Variants in NEK6 observed in about 807,000 individuals in gnomAD.
NEK6 encodes NIMA related kinase 6.
A neutral mutation model predicts 43.5 loss-of-function variants in NEK6; 27 were observed. The ratio of observed to expected loss-of-function variants is 0.62; its 90% CI spans 0.46 to 0.86. The LOEUF (loss-of-function observed/expected upper bound fraction) is 0.86, where lower values mean the gene tolerates loss of function less well. Ranked by LOEUF, NEK6 falls within the 40% of genes least tolerant of loss-of-function variation. The pLI is 0.00. For missense variants in NEK6, 318 were observed against 414.4 expected, an observed-to-expected ratio of 0.77 and a Z score of 2.02; for synonymous variants, 167 against 164.1, an observed-to-expected ratio of 1.02 and a Z score of -0.14.
intron 7 of NEK6, among the ~76,000 whole-genome samples, chr9:124,328,177 A>C (rs1360946512): frequency 6.6e-6 from 1 of 152,174 alleles, no homozygotes; most frequent in Non-Finnish European, 1.5e-5. Context: ...TTCAGTATCC[A>C]CACACTGGGT....
intron 1 of NEK6, chr9:124,291,951 G>T (rs1373534608): frequency 8.1e-6 from 8 of 986,096 alleles, no homozygotes; most frequent in African/African-American, 1.7e-5. Flanking sequence ...CCCATGCGGA[G>T]ACAGAGGCCC....
intron 1 of NEK6, among the ~76,000 whole-genome samples, chr9:124,277,133 G>T (rs951189607): frequency 3.3e-5 from 5 of 152,168 alleles, no homozygotes; most frequent in Admixed American, 3.3e-4. Flanking sequence ...ACCTGAGGCC[G>T]CACTTCCACC....
rs1278065905 is a variant in NEK6, at chr9:124,281,480, G to GTTTTTTC, written c.-29-20449_-29-20443dup. ...GGCATAGCTACTTTCCATGTCAGCT[G>GTTTTTTC]TTTTTTCTTTTTTTTTTTTTTTTTT... On this transcript the variant is annotated intron_variant, in intron 1 of 9. Transcript: ENST00000320246. Among the ~76,000 whole-genome samples the GTTTTTTC allele has an allele frequency of 8.1e-4, 93 of 114,888 alleles. 16 individuals are homozygous for GTTTTTTC. Among genetic ancestry groups the GTTTTTTC allele is most frequent in the Non-Finnish European group, 8.4e-4 (47 of 55,684 alleles). 75.4% of individuals were successfully genotyped at this position (114,888 alleles called of 152,430 possible).
chr9:124,304,564 A>G lies in NEK6; in HGVS notation c.90+2510A>G, dbSNP rs548982410. Reference sequence around the variant, plus strand: ...GTAAACATCCAACACAGCACCTCACATCGTGGGTACTGAGGAAATGGTATG... The same window carrying G: ...GTAAACATCCAACACAGCACCTCACGTCGTGGGTACTGAGGAAATGGTATG... On this transcript the variant is annotated intron_variant, in intron 2 of 9. Transcript: ENST00000320246. Among the ~76,000 whole-genome samples the G allele has an allele frequency of 6.0e-4, 91 of 152,352 alleles. 1 individual carries two copies. The South Asian group carries it at 0.018, about 29-fold the overall frequency.
chr9:124,271,941 G>A (rs1831454891), intron 1 of NEK6, among the ~76,000 whole-genome samples: 1 of 152,260 alleles, frequency 6.6e-6, no homozygotes, highest in Non-Finnish European at 1.5e-5. Context: ...AGGCACACCT[G>A]GCCGTGAGCC....
At position 124,292,093 on chromosome 9, in the gene NEK6, C is replaced by T. The variant is rs192353350; in HGVS notation, c.-29-9843C>T. 3.6e-3 allele frequency: 3,805 copies of T among 1,057,072 alleles called. 8 individuals are homozygous for T. Among genetic ancestry groups the T allele is most frequent in the Non-Finnish European group, 4.0e-3 (3,467 of 873,614 alleles). The allele number at this position is 1,057,072 out of a possible 1,614,324, so 65.5% of individuals were successfully genotyped here. ...TCTCAGGAGCCACTTCAAAAGGTACCCTGACTTTCTCTGCCTCCTGCTGTG... is the reference window on the plus strand; with the variant it reads ...TCTCAGGAGCCACTTCAAAAGGTACTCTGACTTTCTCTGCCTCCTGCTGTG... On this transcript the variant is annotated intron_variant, in intron 1 of 9. Coordinates refer to ENST00000320246, the MANE Select transcript of NEK6 (RefSeq NM_014397.6).
chr9:124,350,488 GTGAC>G (rs1471097985), intron 9 of NEK6, among the ~76,000 whole-genome samples: 2 of 114,230 alleles, frequency 1.8e-5, no homozygotes, highest in African/African-American at 6.9e-5. Flanking sequence ...GGGCATCTGC[GTGAC>G]TGACAGCAGA....
chr9:124,271,520 C>A (rs1381755524), intron 1 of NEK6, among the ~76,000 whole-genome samples: 1 of 152,258 alleles, frequency 6.6e-6, no homozygotes, highest in African/African-American at 2.4e-5. Context: ...CTTCGTTAAT[C>A]CTCGTGACAA....
chr9:124,293,736 C>T (rs1235404235), intron 1 of NEK6, among the ~76,000 whole-genome samples: 1 of 152,208 alleles, frequency 6.6e-6, no homozygotes, highest in Admixed American at 6.5e-5. Flanking sequence ...CTGCCAACGC[C>T]CCCTGGGTGG....
chr9:124,266,446 C>T (rs952597383), intron 1 of NEK6, among the ~76,000 whole-genome samples: 1 of 152,180 alleles, frequency 6.6e-6, no homozygotes, highest in Non-Finnish European at 1.5e-5. Flanking sequence ...AGGACAGAGG[C>T]TGCCCTCCGG....
At chr9:124,284,907 A>G (rs887638020) in intron 1 of NEK6, among the ~76,000 whole-genome samples, 9 of 152,102 alleles carry the variant, frequency 5.9e-5, no homozygotes, top group African/African-American at 1.9e-4. Flanking sequence ...CAGTTTCCCT[A>G]TCTGCAAAAT....
intron 1 of NEK6, among the ~76,000 whole-genome samples, chr9:124,270,069 GCC>G (rs560878217): frequency 6.8e-6 from 1 of 147,348 alleles, no homozygotes; most frequent in African/African-American, 2.5e-5. Flanking sequence ...TTCCTTCCAC[GCC>G]CCCCCCCCAT....
At chr9:124,331,204 T>C (rs980079451) in intron 7 of NEK6, among the ~76,000 whole-genome samples, 1 of 137,852 alleles carries the variant, frequency 7.3e-6, no homozygotes, top group South Asian at 2.3e-4. Flanking sequence ...AGGTGAAGGT[T>C]GCAGTCAGCT....
chr9:124,330,651 C>T (rs376768578), intron 7 of NEK6, among the ~76,000 whole-genome samples: 22 of 152,386 alleles, frequency 1.4e-4, no homozygotes, highest in African/African-American at 5.0e-4. Flanking sequence ...CGCTGAGGCG[C>T]AAACCCCTTC....
chr9:124,259,080 A>T (rs1588426690), intron 1 of NEK6, among the ~76,000 whole-genome samples: 6 of 152,364 alleles, frequency 3.9e-5, no homozygotes, highest in Admixed American at 3.9e-4. Context: ...ATCCCAGGAC[A>T]GTAACAAATT....
intron 7 of NEK6, among the ~76,000 whole-genome samples, chr9:124,330,575 G>A (rs1401597727): frequency 1.3e-5 from 2 of 152,262 alleles, no homozygotes; most frequent in Non-Finnish European, 2.9e-5. Context: ...AGCAAGTCTA[G>A]TTGGGGGTGA....
chr9:124,300,949 G>A (rs919262014), intron 1 of NEK6, among the ~76,000 whole-genome samples: 1 of 150,482 alleles, frequency 6.6e-6, no homozygotes, highest in Admixed American at 6.6e-5. Flanking sequence ...GGGAGAAGGA[G>A]CAGCAGCCAG....
intron 1 of NEK6, among the ~76,000 whole-genome samples, chr9:124,298,440 G>A (rs1310772439): frequency 6.6e-6 from 1 of 152,138 alleles, no homozygotes; most frequent in Middle Eastern, 3.2e-3. Flanking sequence ...CACTGGGGTA[G>A]ACAGTGGTGC....
intron 1 of NEK6, among the ~76,000 whole-genome samples, chr9:124,291,545 G>T (rs1051414408): frequency 2.6e-5 from 4 of 152,216 alleles, no homozygotes; most frequent in Non-Finnish European, 5.9e-5. Context: ...AGAATCGCTT[G>T]AACCTCGGAG....
Sources: allele counts gnomAD v4.1 joint callset (sites outside exome capture counted in the v4.1 genomes callset), GRCh38; gene constraint gnomAD v4.1.1; transcripts MANE v1.5; gene names NCBI Gene and HGNC (gene_info 2026-07-23, HGNC 2026-07-21).